The following SPIN1 variants were observed in gnomAD, a reference collection of about 807,000 sequenced individuals.
SPIN1 encodes spindlin-1.
A neutral mutation model predicts 26.0 loss-of-function variants in SPIN1; 3 were observed. The ratio of observed to expected loss-of-function variants is 0.12; its 90% confidence interval spans 0.05 to 0.30. The LOEUF (loss-of-function observed/expected upper bound fraction) is 0.30, where lower values mean the gene tolerates loss of function less well. SPIN1 is among the 10% of genes least tolerant of loss of function. SPIN1 has a pLI of 1.00. For synonymous variants in SPIN1, 101 were observed against 116.5 expected (o/e 0.87, Z 0.86); for missense variants, 126 against 333.4 (o/e 0.38, Z 4.84).
intron 1 of SPIN1, among the ~76,000 whole-genome samples, chr9:88,419,691 A>T (rs1015465539): frequency 6.6e-6 from 1 of 152,236 alleles, no homozygotes; most frequent in African/African-American, 2.4e-5. Context: ...AACATTAGTG[A>T]ACACTAATAT....
chr9:88,388,778 C>T (rs1270352130), intron 1 of SPIN1, among the ~76,000 whole-genome samples: 3 of 150,132 alleles, frequency 2.0e-5, no homozygotes, highest in South Asian at 4.1e-4. Context: ...GGCCCCTACT[C>T]CTCCGTGCCC....
At chr9:88,435,817 T>C (rs1028159577) in intron 2 of SPIN1, among the ~76,000 whole-genome samples, 3 of 152,202 alleles carry the variant, frequency 2.0e-5, no homozygotes, top group African/African-American at 7.2e-5. Flanking sequence ...TATGGGTCTG[T>C]CAGCCTATAT....
chr9:88,461,415 G>T (rs1287605321), intron 3 of SPIN1, among the ~76,000 whole-genome samples: 1 of 152,084 alleles, frequency 6.6e-6, no homozygotes, highest in Admixed American at 6.5e-5. Flanking sequence ...TCTGCGGCGA[G>T]TACTCCTTAT....
chr9:88,421,955 T>A (rs572276026), intron 1 of SPIN1, among the ~76,000 whole-genome samples: 49 of 152,276 alleles, frequency 3.2e-4, no homozygotes, highest in African/African-American at 1.1e-3. Context: ...TAGTCTGCTT[T>A]GCGTCATATC....
At chr9:88,438,235 G>A (rs1007055472) in intron 2 of SPIN1, among the ~76,000 whole-genome samples, 7 of 151,806 alleles carry the variant, frequency 4.6e-5, no homozygotes, top group Non-Finnish European at 2.9e-5. Context: ...TTTGCTCAGT[G>A]TTGGTAAGTT....
chr9:88,468,227 T>C (rs1284913346), intron 4 of SPIN1, 145 bp from the exon 5 acceptor site: 3 of 546,256 alleles, frequency 5.5e-6, no homozygotes, highest in Middle Eastern at 2.9e-4. Context: ...TTTTGTACTT[T>C]TTAAAGCTTT....
intron 4 of SPIN1, among the ~76,000 whole-genome samples, chr9:88,466,190 G>T (rs1245425127): frequency 1.3e-5 from 2 of 151,840 alleles, no homozygotes; most frequent in African/African-American, 4.8e-5. Flanking sequence ...ACAGGATCTC[G>T]CTTTGTCACC....
chr9:88,400,463 C>G (rs1277518903), intron 1 of SPIN1, among the ~76,000 whole-genome samples: 1 of 152,216 alleles, frequency 6.6e-6, no homozygotes, highest in Non-Finnish European at 1.5e-5. Flanking sequence ...GGTTAATTGA[C>G]TGAGGCCCAT....
Position 88,443,940 on chromosome 9 carries a change from A to AT in SPIN1, c.53-5001_53-5000insT, listed in dbSNP as rs59328003. Among the ~76,000 whole-genome samples the AT allele has an allele frequency of 4.6e-5, 7 of 151,654 alleles. No homozygotes were observed. The South Asian group carries it at 1.5e-3, about 32-fold the overall frequency. ...GTTTTTGTCAGACCTGCCCATGCTG[A>AT]CTAGCAATGTCGGTTGCAGTTTAGG... On this transcript the variant is annotated intron_variant, in intron 2 of 5. Transcript: ENST00000375859.
chr9:88,453,641 C>G (rs1267782622), intron 3 of SPIN1, among the ~76,000 whole-genome samples: 1 of 152,092 alleles, frequency 6.6e-6, no homozygotes, highest in African/African-American at 2.4e-5. Flanking sequence ...ATTCTTCCGC[C>G]TCAGCCTTCC....
At chr9:88,412,262 A>G (rs897403050) in intron 1 of SPIN1, among the ~76,000 whole-genome samples, 11 of 152,184 alleles carry the variant, frequency 7.2e-5, no homozygotes, top group African/African-American at 2.2e-4. Flanking sequence ...ATGACAAGAT[A>G]TTCCAAGCTC....
At chr9:88,428,678 A>G (rs898010358) in intron 2 of SPIN1, among the ~76,000 whole-genome samples, 2 of 152,326 alleles carry the variant, frequency 1.3e-5, no homozygotes, top group African/African-American at 4.8e-5. Flanking sequence ...TGTTAATCCT[A>G]ACAAGTACTT....
intron 4 of SPIN1, among the ~76,000 whole-genome samples, chr9:88,463,022 C>T (rs905193563): frequency 6.6e-6 from 1 of 152,084 alleles, no homozygotes; most frequent in African/African-American, 2.4e-5. Flanking sequence ...GCTCACTGTT[C>T]TCTGGACTCT....
At position 88,451,390 on chromosome 9, in the gene SPIN1, A is replaced by T. The variant is rs564828135; in HGVS notation, c.101+2401A>T. Among the ~76,000 whole-genome samples, 3 of 152,328 alleles carry T rather than the reference A, an allele frequency of 2.0e-5. No homozygotes were observed. In the East Asian group the frequency reaches 5.8e-4, roughly 29 times the overall value. ...CTGGTGTGAAGTACTGAGACCACAC[A>T]GGAAACATTATATAGCTGGGTTTGT... is the stretch of plus-strand genomic sequence containing the variant. On this transcript the variant is annotated intron_variant, in intron 3 of 5. Coordinates refer to ENST00000375859, the MANE Select transcript of SPIN1 (RefSeq NM_006717.3).
chr9:88,461,539 A>G (rs965187583), intron 3 of SPIN1, among the ~76,000 whole-genome samples: 2 of 152,178 alleles, frequency 1.3e-5, no homozygotes, highest in South Asian at 2.1e-4. Context: ...ACAACCTACA[A>G]TAAATTGTTT....
chr9:88,442,412 T>C (rs1362125119), intron 2 of SPIN1, among the ~76,000 whole-genome samples: 1 of 91,396 alleles, frequency 1.1e-5, no homozygotes, highest in Non-Finnish European at 2.1e-5. Context: ...TTTTCTTTCC[T>C]TTTTTTTTTT....
Position 88,462,565 on chromosome 9 carries a change from G to A in SPIN1, c.171G>A (p.Arg57=). ...SQPRRNIVGC[R]IQHGWKEGNG... ...CCCGGCGGAACATCGTAGGCTGCAG[G>A]ATTCAGCATGGGTGGAAAGAGGGGA... is the stretch of plus-strand genomic sequence containing the variant. The change falls in exon 4 of 6, where the codon AGG becomes AGA. Residue 57 remains arginine, a synonymous_variant. Transcript: ENST00000375859. 2 of 1,614,188 alleles carry A rather than the reference G, an allele frequency of 1.2e-6. No individual in the cohort carries two copies. The highest frequency in any genetic ancestry group is 2.2e-5 in the East Asian group (1 of 44,884).
chr9:88,464,643 A>G (rs76665073), intron 4 of SPIN1, among the ~76,000 whole-genome samples: 2,946 of 152,278 alleles, frequency 0.019, 72 homozygotes, highest in African/African-American at 0.063. Context: ...TATTTGGAAG[A>G]TTTGCATAAC....
In SPIN1 at chr9:88,475,312, A is replaced by C. The variant is rs766379518; in HGVS notation, c.*35A>C. On this transcript the variant is annotated 3_prime_UTR_variant, in exon 6 of 6. Transcript: ENST00000375859. The stretch of plus-strand genomic sequence containing the variant: ...CAAACTCTGCCAAATTTGTGGAACT[A>C]TGAAATGTATTATTTGTAGACATAA... The C allele has an allele frequency of 6.3e-7, 1 of 1,594,228 alleles. No individual in the cohort carries two copies.
Sources: allele counts gnomAD v4.1 joint callset (sites outside exome capture counted in the v4.1 genomes callset), GRCh38; gene constraint gnomAD v4.1.1; transcripts MANE v1.5; gene names NCBI Gene and HGNC (gene_info 2026-07-23, HGNC 2026-07-21).